ABTB3: variants seen among roughly 807,000 people sequenced by gnomAD.
The protein encoded by ABTB3 is ankyrin repeat- and BTB/POZ domain-containing protein 3.
chr12:107,653,129 A>G, the ABTB3 span, among the ~76,000 whole-genome samples: 1 of 152,296 alleles, frequency 6.6e-6, no homozygotes, highest in Admixed American at 6.5e-5. Context: ...CGTTTGGTAT[A>G]ACTGGAGCCC....
chr12:107,476,827 G>C, the ABTB3 span, among the ~76,000 whole-genome samples: 2 of 152,042 alleles, frequency 1.3e-5, no homozygotes, highest in East Asian at 3.9e-4. Context: ...GTGTGTGTGT[G>C]TGTGTGTATT....
At chr12:107,406,750 T>C in the ABTB3 span, among the ~76,000 whole-genome samples, 1 of 152,124 alleles carries the variant, frequency 6.6e-6, no homozygotes, top group African/African-American at 2.4e-5. Context: ...AGCCAGACAT[T>C]AAATAAATAA....
the ABTB3 span, among the ~76,000 whole-genome samples, chr12:107,513,915 G>C: frequency 6.6e-6 from 1 of 152,208 alleles, no homozygotes. Flanking sequence ...ATGGTTGTCT[G>C]TCTCCAGTTG....
At chr12:107,452,453 G>C in the ABTB3 span, among the ~76,000 whole-genome samples, 1 of 151,998 alleles carries the variant, frequency 6.6e-6, no homozygotes, top group Non-Finnish European at 1.5e-5. Flanking sequence ...TGATCCGCCT[G>C]CCTCGGCCTC....
chr12:107,508,438 C>CTTTTTTTTTG, the ABTB3 span, among the ~76,000 whole-genome samples: 23 of 69,166 alleles, frequency 3.3e-4, 1 homozygote, highest in African/African-American at 1.1e-3. Context: ...AAGATCATTT[C>CTTTTTTTTTG]TTTTTTTTTT....
At chr12:107,352,623 G>A in the ABTB3 span, among the ~76,000 whole-genome samples, 568 of 152,296 alleles carry the variant, frequency 3.7e-3, 3 homozygotes, top group African/African-American at 0.013. Context: ...ACCTGTGAGA[G>A]CGTGCCTTTT....
chr12:107,344,881 AT>A, the ABTB3 span, among the ~76,000 whole-genome samples: 9 of 152,238 alleles, frequency 5.9e-5, no homozygotes, highest in Admixed American at 2.6e-4. Flanking sequence ...GTGAATTCTG[AT>A]TTTTAAAAAT....
At chr12:107,497,145 C>G in the ABTB3 span, among the ~76,000 whole-genome samples, 1 of 152,116 alleles carries the variant, frequency 6.6e-6, no homozygotes, top group Non-Finnish European at 1.5e-5. Context: ...CCATCATCAT[C>G]ACAACCGCCA....
the ABTB3 span, among the ~76,000 whole-genome samples, chr12:107,646,556 G>A: frequency 1.3e-5 from 2 of 152,178 alleles, no homozygotes; most frequent in Non-Finnish European, 2.9e-5. Context: ...GGGTGGGAGA[G>A]GGGAGGGTAA....
At chr12:107,369,763 T>G in the ABTB3 span, among the ~76,000 whole-genome samples, 1 of 133,048 alleles carries the variant, frequency 7.5e-6, no homozygotes, top group South Asian at 2.6e-4. Flanking sequence ...CTGAGCTCTC[T>G]GCACCTTATT....
the ABTB3 span, among the ~76,000 whole-genome samples, chr12:107,391,610 C>T: frequency 1.4e-4 from 22 of 152,222 alleles, no homozygotes; most frequent in South Asian, 3.1e-3. Flanking sequence ...CACATGTGGA[C>T]CCCAGACTTT....
chr12:107,610,521 T>G, the ABTB3 span: 1 of 677,850 alleles, frequency 1.5e-6, no homozygotes, highest in Non-Finnish European at 2.4e-6. Flanking sequence ...GTTTTTAAAA[T>G]ATCTTATAAA....
the ABTB3 span, among the ~76,000 whole-genome samples, chr12:107,571,665 C>T: frequency 5.9e-5 from 9 of 152,240 alleles, no homozygotes; most frequent in African/African-American, 1.9e-4. Context: ...TGTGGCTTCT[C>T]CACTTCTGAG....
chr12:107,521,267 GTGTGTGTGT>G, the ABTB3 span, among the ~76,000 whole-genome samples: 735 of 73,124 alleles, frequency 0.01, 7 homozygotes, highest in African/African-American at 0.055. Flanking sequence ...TATAAGTTGT[GTGTGTGTGT>G]GTGTGTGTGT....
chr12:107,459,382 C>T, the ABTB3 span, among the ~76,000 whole-genome samples: 3 of 152,210 alleles, frequency 2.0e-5, no homozygotes, highest in Non-Finnish European at 4.4e-5. Flanking sequence ...CTATGGTAGA[C>T]ACTAGGGATC....
chr12:107,368,407 C>T, the ABTB3 span, among the ~76,000 whole-genome samples: 99 of 152,326 alleles, frequency 6.5e-4, no homozygotes, highest in African/African-American at 2.2e-3. Flanking sequence ...ATCTAAGAGA[C>T]GGAGACACTG....
At chr12:107,391,136 G>T in the ABTB3 span, among the ~76,000 whole-genome samples, 1 of 152,182 alleles carries the variant, frequency 6.6e-6, no homozygotes, top group African/African-American at 2.4e-5. Context: ...AGGTGACAGA[G>T]CGAGACTCCG....
chr12:107,342,641 ACT>A, the ABTB3 span, among the ~76,000 whole-genome samples: 1 of 151,834 alleles, frequency 6.6e-6, no homozygotes. Flanking sequence ...TCATCCTGGC[ACT>A]CTCTAATTCT....
At chr12:107,536,123 A>G in the ABTB3 span, among the ~76,000 whole-genome samples, 1 of 152,194 alleles carries the variant, frequency 6.6e-6, no homozygotes, top group African/African-American at 2.4e-5. Context: ...AAAGGCACCA[A>G]GAACATATAT....
Sources: gnomAD v4.1 joint callset for allele counts (sites outside exome capture counted in the v4.1 genomes callset) on GRCh38, gnomAD v4.1.1 for gene constraint, MANE v1.5 for transcripts, NCBI Gene and HGNC (gene_info 2026-07-23, HGNC 2026-07-21) for gene names.